Variants in DOC2A observed in about 807,000 individuals in gnomAD.
DOC2A encodes double C2-like domain-containing protein alpha.
A neutral mutation model predicts 40.6 loss-of-function variants in DOC2A; 28 were observed. That is an observed-to-expected ratio of 0.69 (90% CI 0.51 to 0.95). The LOEUF is 0.95. Ranked by LOEUF, DOC2A falls within the 40% of genes least tolerant of loss-of-function variation. DOC2A has a pLI of 0.00. For missense variants in DOC2A, 474 were observed against 552.5 expected, an observed-to-expected ratio of 0.86 and a Z score of 1.42; for synonymous variants, 241 against 236.9, an observed-to-expected ratio of 1.02 and a Z score of -0.16.
Position 30,009,010 on chromosome 16 carries a change from C to G in DOC2A, c.513G>C (p.Thr171=). The G allele has an allele frequency of 6.2e-7, 1 of 1,613,112 alleles. No homozygotes were observed. Among genetic ancestry groups the G allele is most frequent in the Non-Finnish European group, 8.5e-7 (1 of 1,179,430 alleles). Residue 171 remains threonine (T), a synonymous_variant, in exon 5 of 11, where the codon ACG becomes ACC. Coordinates refer to ENST00000350119, the MANE Select transcript of DOC2A (RefSeq NM_003586.3). The surrounding 1 kb of genome is among the most constrained non-coding windows in gnomAD (Gnocchi z 4.1). ...GGGGCCCTCACCTGAGCACCTTGTG[C>G]GTGATGTCGTCATCTGTGATCCCGC... is the stretch of plus-strand genomic sequence containing the variant. ...TYSGITDDDI[T]HKVLRIAVCD...
chr16:30,017,586 T>C (rs2070866701), intron 1 of DOC2A, among the ~76,000 whole-genome samples: 1 of 151,992 alleles, frequency 6.6e-6, no homozygotes, highest in Non-Finnish European at 1.5e-5. Context: ...GAGCTAAACA[T>C]TGGGTACCTA....
Position 30,010,787 on chromosome 16 carries a change from C to A in DOC2A, c.-14+116G>T. 1 of 798,298 alleles carries A rather than the reference C, an allele frequency of 1.3e-6. No homozygotes were observed. The highest frequency in any genetic ancestry group is 1.5e-6 in the Non-Finnish European group (1 of 651,136). 49.5% of individuals were successfully genotyped at this position (798,298 alleles called of 1,614,324 possible). On this transcript the variant is annotated intron_variant, in intron 1 of 10. Coordinates refer to ENST00000350119, the MANE Select transcript of DOC2A (RefSeq NM_003586.3). This position sits in a 1 kb window ranked among gnomAD's most constrained non-coding sequence, Gnocchi z 4.2. The stretch of plus-strand genomic sequence containing the variant: ...CAGCCTCAGATGCCACCTCTGGCTC[C>A]TCAGGGGAGCCAGAAATTGCAGCCG...
rs371385172 is a variant in DOC2A at position 30,006,532 on chromosome 16, G to A, written c.961-23C>T. 6.8e-6 allele frequency: 11 copies of A among 1,613,364 alleles called. No individual in the cohort carries two copies. The East Asian group carries it at 8.9e-5, about 13-fold the overall frequency. ...CTCCTAGGGACAAGGCCGGCCACCC[G>A]TTCGTGAGCCAGCTCCCCAGCCCCT... is the stretch of plus-strand genomic sequence containing the variant. On this transcript the variant is annotated intron_variant, in intron 9 of 10. Transcript: ENST00000350119. The surrounding 1 kb of genome is among the most constrained non-coding windows in gnomAD (Gnocchi z 6.2).
Position 30,006,757 on chromosome 16 carries a change from G to A in DOC2A, c.878+28C>T, listed in dbSNP as rs2070611239. On this transcript the variant is annotated intron_variant, in intron 8 of 10. Coordinates refer to ENST00000350119, the MANE Select transcript of DOC2A (RefSeq NM_003586.3). The surrounding 1 kb of genome is among the most constrained non-coding windows in gnomAD (Gnocchi z 6.2). Reference sequence around the variant, plus strand: ...ACTCAGGCCAGGGCAGGCTCCCTGGGGAGGAGAGGGTCAGAGCAAGGGCTC... The same window carrying A: ...ACTCAGGCCAGGGCAGGCTCCCTGGAGAGGAGAGGGTCAGAGCAAGGGCTC... 1 of 1,613,802 alleles carries A rather than the reference G, an allele frequency of 6.2e-7. No homozygotes were observed. Among genetic ancestry groups the A allele is most frequent in the African/African-American group, 1.3e-5 (1 of 74,866 alleles).
At position 30,009,825 on chromosome 16, in the gene DOC2A, C is replaced by T. The variant is rs2070724365; in HGVS notation, c.262+136G>A. On this transcript the variant is annotated intron_variant, in intron 2 of 10. Coordinates refer to ENST00000350119, the MANE Select transcript of DOC2A (RefSeq NM_003586.3). The surrounding 1 kb of genome is among the most constrained non-coding windows in gnomAD (Gnocchi z 4.1). Reference sequence around the variant, plus strand: ...TCCACGCTGACTGCAGCTGTGGTGGCCGTCCCTGCCACCCCCCCACTGCCC... The same window carrying T: ...TCCACGCTGACTGCAGCTGTGGTGGTCGTCCCTGCCACCCCCCCACTGCCC... The T allele has an allele frequency of 4.7e-6, 5 of 1,067,062 alleles. No individual in the cohort carries two copies. Among genetic ancestry groups the T allele is most frequent in the South Asian group, 4.0e-5 (3 of 74,190 alleles). 66.1% of individuals were successfully genotyped at this position (1,067,062 alleles called of 1,614,324 possible). A position where few individuals can be genotyped will look rare whatever the true frequency, so the allele number is the denominator to read the frequency against.
intron 7 of DOC2A, 27 bp downstream of exon 7, chr16:30,007,004 C>T: frequency 1.9e-6 from 3 of 1,613,858 alleles, no homozygotes; most frequent in Non-Finnish European, 2.5e-6. Context: ...CACCCACATG[C>T]ATCCCCATCC....
rs1313630423 is a variant in DOC2A at position 30,009,443 on chromosome 16, A to G, written c.342+35T>C. On this transcript the variant is annotated intron_variant, in intron 3 of 10. Coordinates refer to ENST00000350119, the MANE Select transcript of DOC2A (RefSeq NM_003586.3). The surrounding 1 kb of genome is among the most constrained non-coding windows in gnomAD (Gnocchi z 4.1). ...GGCCCCCTCTGGGGGCTGCACGCAA[A>G]CCGGGCCCGGGCTTGGGTGGCAGGG... 1 of 1,548,402 alleles carries G rather than the reference A, an allele frequency of 6.5e-7. No homozygotes were observed. Among genetic ancestry groups the G allele is most frequent in the Non-Finnish European group, 8.7e-7 (1 of 1,144,804 alleles).
rs1356134552 is a variant in DOC2A, at chr16:30,019,461, C to T, written c.-376+1722G>A. ...TCATTCTTGAGGTCAGGGACCGTGC[C>T]GTGGTGATTTCTGAGTCATAAATGG... On this transcript the variant is annotated intron_variant, in intron 1 of 5. Transcript: ENST00000574405. Among the ~76,000 whole-genome samples the T allele has an allele frequency of 5.9e-5, 9 of 152,068 alleles. No homozygotes were observed. The South Asian group carries it at 1.2e-3, about 21-fold the overall frequency.
In DOC2A at chr16:30,006,489, C is replaced by T. The variant is rs1285036230; in HGVS notation, c.981G>A (p.Glu327=). 4 of 1,613,792 alleles carry T rather than the reference C, an allele frequency of 2.5e-6. No individual in the cohort carries two copies. The highest frequency in any genetic ancestry group is 3.4e-6 in the Non-Finnish European group (4 of 1,179,932). Residue 327 remains glutamate (E), a synonymous_variant, in exon 10 of 11, where the codon GAG becomes GAA. Coordinates refer to ENST00000350119, the MANE Select transcript of DOC2A (RefSeq NM_003586.3). The surrounding 1 kb of genome is among the most constrained non-coding windows in gnomAD (Gnocchi z 6.2). The part of the protein sequence containing the change: ...EFNEEFFYEI[E]LSTLATKTLE... ...GGGTCTTGGTGGCCAGAGTGGAGAGCTCTATCTCGTAGAAAAACTCCTAGG... is the reference window on the plus strand; with the variant it reads ...GGGTCTTGGTGGCCAGAGTGGAGAGTTCTATCTCGTAGAAAAACTCCTAGG...
At chr16:30,007,572 T>C (rs1471629789) in intron 5 of DOC2A, 2 of 509,952 alleles carry the variant, frequency 3.9e-6, no homozygotes, top group South Asian at 2.0e-5. Context: ...ATTCAGGGCC[T>C]GGGGGCAGGA....
In DOC2A at chr16:30,005,864, G is replaced by C. The variant is rs1305682449; in HGVS notation, c.*322C>G. 2.1e-6 allele frequency: 1 copy of C among 486,212 alleles called. No homozygotes were observed. Among genetic ancestry groups the C allele is most frequent in the Middle Eastern group, 5.4e-4 (1 of 1,844 alleles). The allele number at this position is 486,212 out of a possible 1,614,324, so 30.1% of individuals were successfully genotyped here. On this transcript the variant is annotated 3_prime_UTR_variant, in exon 11 of 11. Coordinates refer to ENST00000350119, the MANE Select transcript of DOC2A (RefSeq NM_003586.3). ...CCCCTAATCCGACCTCCTCCCTGTT[G>C]GGGGAGAGGGACGGGGCAGCGTGGA...
At chr16:30,021,678 C>G (rs1004092169), upstream of DOC2A, 1 of 152,240 alleles carries the variant, frequency 6.6e-6, no homozygotes, top group Admixed American at 6.5e-5. Context: ...CCCGCTGCGC[C>G]TTTCCTAGGG....
chr16:30,011,533 G>T, upstream of DOC2A: 1 of 448,368 alleles, frequency 2.2e-6, no homozygotes, highest in Non-Finnish European at 2.9e-6. Context: ...TGGCGACGCC[G>T]GCTCATCTCC....
rs757458777 is a variant in DOC2A, at chr16:30,006,810, C to T, written c.853G>A (p.Gly285Ser). The T allele has an allele frequency of 7.4e-6, 12 of 1,613,670 alleles. No homozygotes were observed. Among genetic ancestry groups the T allele is most frequent in the South Asian group, 2.2e-5 (2 of 91,078 alleles). ...GTCTTGACGTAGGGGTCCGAGTAAC[C>T]GTTGACGTCCATGGCAGCCAGATGG... ...CAHLAAMDVN[G>S]YSDPYVKTYL... The change falls in exon 8 of 11, where the codon GGT becomes AGT. Residue 285 changes from glycine (G) to serine (S), a missense_variant. Gly to Ser is a moderately conservative substitution (Grantham distance 56). Transcript: ENST00000350119. This position sits in a 1 kb window ranked among gnomAD's most constrained non-coding sequence, Gnocchi z 6.2.
chr16:30,011,387 G>A (rs1011826672), upstream of DOC2A: 10 of 985,110 alleles, frequency 1.0e-5, no homozygotes, highest in Non-Finnish European at 1.2e-5. Flanking sequence ...GCGCCACCAG[G>A]AAGCAGCCGC....
At chr16:30,011,315 C>T, upstream of DOC2A, 1 of 984,342 alleles carries the variant, frequency 1.0e-6, no homozygotes, top group Non-Finnish European at 1.2e-6. Flanking sequence ...CCCAGGCGCG[C>T]GCTGGCACAC....
rs758868557 is a variant in DOC2A, at chr16:30,006,584, C to G, written c.960+12G>C. 2 of 1,613,668 alleles carry G rather than the reference C, an allele frequency of 1.2e-6. No homozygotes were observed. Among genetic ancestry groups the G allele is most frequent in the African/African-American group, 1.3e-5 (1 of 74,830 alleles). The stretch of plus-strand genomic sequence containing the variant: ...CCTGGCCTCCCTCCATGTCCCGTCC[C>G]CTCCTGGGTACCTCGTTAAATTCTG... On this transcript the variant is annotated intron_variant, in intron 9 of 10. Coordinates refer to ENST00000350119, the MANE Select transcript of DOC2A (RefSeq NM_003586.3). This position sits in a 1 kb window ranked among gnomAD's most constrained non-coding sequence, Gnocchi z 6.2.
upstream of DOC2A, chr16:30,011,045 C>A (rs1443497810): frequency 2.2e-5 from 21 of 972,020 alleles, no homozygotes; most frequent in Non-Finnish European, 2.2e-5. Context: ...AGGGGGTGAG[C>A]GAGGTGGAGG....
chr16:30,007,124 GCCTCCCCAGGGCCC>G, intron 6 of DOC2A, 34 bp from the exon 7 acceptor site: 1 of 1,613,776 alleles, frequency 6.2e-7, no homozygotes, highest in Non-Finnish European at 8.5e-7. Context: ...TGGAAGCCTG[GCCTCCCCAGGGCCC>G]CCTCCCCTGG....
Sources: gnomAD v4.1 joint callset for allele counts (sites outside exome capture counted in the v4.1 genomes callset) on GRCh38, gnomAD v4.1.1 for gene constraint, Gnocchi (gnomAD v3.1) non-coding constraint, MANE v1.5 for transcripts, NCBI Gene and HGNC (gene_info 2026-07-23, HGNC 2026-07-21) for gene names.